Variants in PASD1 observed in about 807,000 individuals in gnomAD.
The protein encoded by PASD1 is PAS domain containing repressor 1.
In PASD1, 13 loss-of-function variants were observed where a neutral mutation model predicts 58.8. The observed-to-expected ratio is 0.22, with a 90% CI of 0.14 to 0.35. PASD1 has a LOEUF of 0.35. PASD1 is among the 10% of genes least tolerant of loss of function. PASD1 has a pLI of 1.00. For missense variants in PASD1, 734 were observed against 568.3 expected (o/e 1.29, Z -2.96); for synonymous variants, 236 against 216.7 (o/e 1.09, Z -0.78).
chrX:151,582,200 G>T (rs2013109180), intron 1 of PASD1, among the ~76,000 whole-genome samples: 1 of 109,938 alleles, frequency 9.1e-6, no homozygotes, highest in Non-Finnish European at 1.9e-5. Context: ...GTTAGCCGGG[G>T]TGGTCTCTCT....
At position 151,620,986 on chromosome X, in the gene PASD1, A is replaced by G. The variant is rs1273853729; in HGVS notation, c.264A>G (p.Glu88=). 8.3e-7 allele frequency: 1 copy of G among 1,207,525 alleles called. No homozygotes were observed. Residue 88 remains glutamate, a synonymous_variant, in exon 5 of 16, where the codon GAA becomes GAG. Coordinates refer to ENST00000370357, the MANE Select transcript of PASD1 (RefSeq NM_173493.3). ...TTCTGCCTGATGAAGAGAAAGATGAAGTCTACCAAAAGATTATTCTCAAAT... is the reference window on the plus strand; with the variant it reads ...TTCTGCCTGATGAAGAGAAAGATGAGGTCTACCAAAAGATTATTCTCAAAT... ...LSLLPDEEKD[E]VYQKIILKFP... is the part of the protein sequence containing the mutation.
At chrX:151,607,853 A>G (rs1602927060) in intron 3 of PASD1, among the ~76,000 whole-genome samples, 1 of 111,709 alleles carries the variant, frequency 9.0e-6, no homozygotes, top group Non-Finnish European at 1.9e-5. Flanking sequence ...CGGAGTTAGG[A>G]GACTAGGTTG....
intron 1 of PASD1, among the ~76,000 whole-genome samples, chrX:151,600,985 G>C (rs943302393): frequency 2.7e-5 from 3 of 112,326 alleles, no homozygotes; most frequent in Admixed American, 9.4e-5. Context: ...TAATTGTATA[G>C]CTCAAAGCAG....
intron 9 of PASD1, among the ~76,000 whole-genome samples, chrX:151,654,323 G>C (rs1479238353): frequency 9.1e-6 from 1 of 110,453 alleles, no homozygotes; most frequent in Non-Finnish European, 1.9e-5. Flanking sequence ...TTGTGAAAAT[G>C]TTTATGACTG....
At chrX:151,587,672 G>A (rs2013187045) in intron 1 of PASD1, among the ~76,000 whole-genome samples, 1 of 111,778 alleles carries the variant, frequency 8.9e-6, no homozygotes, top group African/African-American at 3.3e-5. Flanking sequence ...ACTAAGGTTA[G>A]AGAAAAGCAC....
At chrX:151,612,505 C>CTTTT (rs1471638721) in intron 4 of PASD1, among the ~76,000 whole-genome samples, 63 of 110,420 alleles carry the variant, frequency 5.7e-4, no homozygotes, top group Non-Finnish European at 3.4e-4. Context: ...TAATGATCGC[C>CTTTT]ATTCTAACTG....
intron 15 of PASD1, among the ~76,000 whole-genome samples, chrX:151,675,233 G>A (rs1000562212): frequency 1.8e-5 from 2 of 111,973 alleles, no homozygotes; most frequent in African/African-American, 3.2e-5. Flanking sequence ...CCAAGTCGGA[G>A]CTTTCCTGTC....
At chrX:151,564,625 G>C (rs1423503404) in intron 1 of PASD1, among the ~76,000 whole-genome samples, 1 of 109,843 alleles carries the variant, frequency 9.1e-6, no homozygotes, top group South Asian at 4.0e-4. Flanking sequence ...GAACGTCGGT[G>C]CGGTGGCAGG....
In PASD1 at chrX:151,665,902, G is replaced by T. The variant is rs780695538; in HGVS notation, c.1071+1554G>T. ...CACGCGCGTGCATGTGTGTGTGTGT[G>T]TTTTTTTTTTTTTGGTCTAATGAAT... On this transcript the variant is annotated intron_variant, in intron 11 of 15. Transcript: ENST00000370357. Among the ~76,000 whole-genome samples, 27 of 96,902 alleles carry T rather than the reference G, an allele frequency of 2.8e-4. No homozygotes were observed. The Admixed American group carries it at 2.9e-3, about 10-fold the overall frequency. 84.1% of individuals were successfully genotyped at this position (96,902 alleles called of 115,157 possible). A position where few individuals can be genotyped will look rare whatever the true frequency, so the allele number is the denominator to read the frequency against.
chrX:151,641,626 T>C (rs925230568), intron 8 of PASD1, among the ~76,000 whole-genome samples: 1 of 111,581 alleles, frequency 9.0e-6, no homozygotes, highest in Non-Finnish European at 1.9e-5. Context: ...AAGATGCTTA[T>C]AGACCCTAAC....
intron 8 of PASD1, among the ~76,000 whole-genome samples, chrX:151,630,580 G>T (rs1358591877): frequency 1.8e-5 from 2 of 112,158 alleles, no homozygotes; most frequent in African/African-American, 6.5e-5. Flanking sequence ...ATCATATCAG[G>T]GTTGTAATTT....
intron 8 of PASD1, among the ~76,000 whole-genome samples, chrX:151,629,277 G>A (rs1362424191): frequency 9.0e-6 from 1 of 110,593 alleles, no homozygotes; most frequent in Non-Finnish European, 1.9e-5. Flanking sequence ...GTACCACCAC[G>A]CCTGGCTACT....
intron 14 of PASD1, 106 bp from the exon 15 acceptor site, chrX:151,673,822 C>G (rs2014508457): frequency 1.0e-6 from 1 of 964,860 alleles, no homozygotes; most frequent in South Asian, 2.2e-5. Context: ...TGTGGTGTAG[C>G]CACCAAAACC....
intron 1 of PASD1, among the ~76,000 whole-genome samples, chrX:151,574,578 A>C (rs1307741107): frequency 8.9e-6 from 1 of 112,097 alleles, no homozygotes; most frequent in Non-Finnish European, 1.9e-5. Context: ...AAGTCCATAC[A>C]TCCAGGTTAC....
intron 1 of PASD1, among the ~76,000 whole-genome samples, chrX:151,567,112 A>G (rs1457321215): frequency 9.0e-6 from 1 of 110,502 alleles, no homozygotes; most frequent in African/African-American, 3.3e-5. Context: ...ATAAAGTTTC[A>G]GATTTTGGAG....
chrX:151,578,502 A>G (rs934284738), intron 1 of PASD1, among the ~76,000 whole-genome samples: 1 of 112,454 alleles, frequency 8.9e-6, no homozygotes, highest in Non-Finnish European at 1.9e-5. Context: ...TTTTGTGCCA[A>G]ATTCTCTGAT....
chrX:151,588,775 A>T (rs2013205905), intron 1 of PASD1, among the ~76,000 whole-genome samples: 1 of 111,933 alleles, frequency 8.9e-6, no homozygotes, highest in African/African-American at 3.2e-5. Context: ...GAAAGATAGA[A>T]TATTGTTCAT....
chrX:151,667,086 G>A (rs9724369), intron 11 of PASD1, among the ~76,000 whole-genome samples: 30,116 of 110,338 alleles, frequency 0.27, 4,015 homozygotes, highest in East Asian at 0.94. Context: ...TCTAACTGGT[G>A]TGAGATGGTA....
At chrX:151,644,797 C>G (rs1241062784) in intron 8 of PASD1, among the ~76,000 whole-genome samples, 1 of 109,290 alleles carries the variant, frequency 9.1e-6, no homozygotes, top group Non-Finnish European at 1.9e-5. Context: ...ATTTTTCCAG[C>G]TTTATTTAGG....
Sources: allele counts gnomAD v4.1 joint callset (sites outside exome capture counted in the v4.1 genomes callset), GRCh38; gene constraint gnomAD v4.1.1; transcripts MANE v1.5; gene names NCBI Gene and HGNC (gene_info 2026-07-23, HGNC 2026-07-21).